GUCY1A2: variants seen among roughly 807,000 people sequenced by gnomAD.
The protein encoded by GUCY1A2 is guanylate cyclase soluble subunit alpha-2.
A neutral mutation model predicts 63.5 loss-of-function variants in GUCY1A2; 27 were observed. The observed-to-expected ratio is 0.43, with a 90% confidence interval of 0.31 to 0.59. GUCY1A2 has a LOEUF of 0.59. Among genes scored for constraint, GUCY1A2 ranks in the 20% least tolerant of loss-of-function variants. GUCY1A2 has a pLI of 0.11. For missense variants in GUCY1A2, 768 were observed against 913.3 expected (o/e 0.84, Z 2.05); for synonymous variants, 364 against 343.5 (o/e 1.06, Z -0.66).
At chr11:107,010,171 C>T (rs1360001926) in intron 1 of GUCY1A2, among the ~76,000 whole-genome samples, 2 of 152,166 alleles carry the variant, frequency 1.3e-5, no homozygotes, top group African/African-American at 4.8e-5. Flanking sequence ...TTCCCGCCTT[C>T]CAAGATATTT....
chr11:106,977,652 GA>G (rs958901000), intron 3 of GUCY1A2, among the ~76,000 whole-genome samples: 57 of 152,290 alleles, frequency 3.7e-4, no homozygotes, highest in African/African-American at 1.2e-3. Flanking sequence ...GGGTAACCTG[GA>G]AACTGTTTGT....
rs550288910 is a variant in GUCY1A2, at chr11:106,851,093, T to C, written c.1207-40615A>G. 3.3e-5 allele frequency among the ~76,000 whole-genome samples: 5 copies of C among 152,172 alleles called. No individual in the cohort carries two copies. The South Asian group carries it at 6.2e-4, about 19-fold the overall frequency. On this transcript the variant is annotated intron_variant, in intron 4 of 7. Coordinates refer to ENST00000526355, the MANE Select transcript of GUCY1A2 (RefSeq NM_000855.3). ...TTTGCATTTCCCTAACAATTAGTGA[T>C]GTTGAATGCTTTATTCATATATTTC...
At chr11:106,754,649 G>A (rs974830523) in intron 6 of GUCY1A2, among the ~76,000 whole-genome samples, 1 of 152,154 alleles carries the variant, frequency 6.6e-6, no homozygotes, top group East Asian at 1.9e-4. Context: ...TTTTTGTGAT[G>A]GATTACATTT....
chr11:106,987,652 C>CAA (rs59863037), intron 1 of GUCY1A2, among the ~76,000 whole-genome samples: 27,475 of 108,326 alleles, frequency 0.25, 3,176 homozygotes, highest in East Asian at 0.5. Context: ...GACTCTGCCT[C>CAA]AAAAAAAAAA....
chr11:106,901,091 C>T (rs1860126395), intron 4 of GUCY1A2, among the ~76,000 whole-genome samples: 1 of 152,184 alleles, frequency 6.6e-6, no homozygotes, highest in African/African-American at 2.4e-5. Flanking sequence ...GGAGTCAATC[C>T]TCTCAAACCC....
At chr11:106,834,837 C>A (rs373416194) in intron 4 of GUCY1A2, among the ~76,000 whole-genome samples, 14 of 152,008 alleles carry the variant, frequency 9.2e-5, no homozygotes, top group African/African-American at 3.4e-4. Context: ...ACCTTAGCAG[C>A]AAGGAAGATA....
chr11:106,821,571 AATATATAGCACCACC>A (rs1309186114), intron 4 of GUCY1A2, among the ~76,000 whole-genome samples: 1 of 152,186 alleles, frequency 6.6e-6, no homozygotes, highest in Non-Finnish European at 1.5e-5. Context: ...AGCTATAATA[AATATATAGCACCACC>A]ATTCAATGTT....
At chr11:106,796,058 C>G (rs181202806) in intron 5 of GUCY1A2, among the ~76,000 whole-genome samples, 17 of 151,914 alleles carry the variant, frequency 1.1e-4, no homozygotes, top group African/African-American at 4.1e-4. Flanking sequence ...TTTACCATTA[C>G]GTAATGGCCT....
chr11:106,793,576 G>A (rs1864701053), intron 5 of GUCY1A2, among the ~76,000 whole-genome samples: 1 of 151,996 alleles, frequency 6.6e-6, no homozygotes, highest in Non-Finnish European at 1.5e-5. Flanking sequence ...CCTACAGAAG[G>A]GGAGAAAATA....
intron 6 of GUCY1A2, among the ~76,000 whole-genome samples, chr11:106,719,289 A>C (rs1863272278): frequency 6.6e-6 from 1 of 152,258 alleles, no homozygotes; most frequent in Non-Finnish European, 1.5e-5. Context: ...GATAATCCGG[A>C]ATAAAATTTC....
At chr11:106,868,600 TAA>T (rs1359221057) in intron 4 of GUCY1A2, among the ~76,000 whole-genome samples, 3 of 151,894 alleles carry the variant, frequency 2.0e-5, no homozygotes, top group Admixed American at 6.6e-5. Flanking sequence ...CTCAACAAAA[TAA>T]AAGAGGACAC....
intron 4 of GUCY1A2, among the ~76,000 whole-genome samples, chr11:106,886,120 T>C (rs1161971106): frequency 6.6e-6 from 1 of 152,198 alleles, no homozygotes; most frequent in Admixed American, 6.5e-5. Context: ...GTGGGTACAC[T>C]GCCATCCAGA....
rs538531625 is a variant in GUCY1A2 at position 106,682,464 on chromosome 11, A to G, written c.*5085T>C. 3.8e-5 allele frequency: 8 copies of G among 209,250 alleles called. No homozygotes were observed. The East Asian group carries it at 5.0e-4, about 13-fold the overall frequency. The allele number at this position is 209,250 out of a possible 1,614,324, so 13.0% of individuals were successfully genotyped here. ...AAGACTAGTCTTCTGTATTCCTAAA[A>G]CTCCCTACGGAATTCTTATGAAGCC... On this transcript the variant is annotated 3_prime_UTR_variant, in exon 8 of 8. Coordinates refer to ENST00000526355, the MANE Select transcript of GUCY1A2 (RefSeq NM_000855.3).
intron 4 of GUCY1A2, among the ~76,000 whole-genome samples, chr11:106,813,980 A>C (rs1371005183): frequency 6.6e-6 from 1 of 152,114 alleles, no homozygotes; most frequent in African/African-American, 2.4e-5. Context: ...CAAGCTAATA[A>C]GCAGTAAGGT....
At chr11:106,996,499 G>A (rs566010609) in intron 1 of GUCY1A2, among the ~76,000 whole-genome samples, 1 of 152,250 alleles carries the variant, frequency 6.6e-6, no homozygotes, top group East Asian at 1.9e-4. Context: ...GACTCTAAAT[G>A]GATTAAAGCA....
At chr11:106,941,628 T>C (rs1860753694) in intron 3 of GUCY1A2, among the ~76,000 whole-genome samples, 1 of 152,266 alleles carries the variant, frequency 6.6e-6, no homozygotes, top group African/African-American at 2.4e-5. Flanking sequence ...CTAGGCTGTC[T>C]ACAGCTTAGC....
chr11:106,757,376 C>T (rs1484045547), intron 6 of GUCY1A2, among the ~76,000 whole-genome samples: 1 of 152,172 alleles, frequency 6.6e-6, no homozygotes, highest in African/African-American at 2.4e-5. Context: ...CATTCTCCAT[C>T]CAGTTTTGTT....
intron 1 of GUCY1A2, among the ~76,000 whole-genome samples, chr11:107,009,598 C>T (rs1223730978): frequency 3.3e-5 from 5 of 152,238 alleles, no homozygotes; most frequent in East Asian, 1.9e-4. Flanking sequence ...TCGGGAAAAA[C>T]GGGCAGAGTC....
At chr11:106,867,187 G>A (rs1859606080) in intron 4 of GUCY1A2, among the ~76,000 whole-genome samples, 1 of 151,936 alleles carries the variant, frequency 6.6e-6, no homozygotes, top group Non-Finnish European at 1.5e-5. Context: ...AAGATAGTTG[G>A]TTTTCTACAA....
Sources: gnomAD v4.1 joint callset for allele counts (sites outside exome capture counted in the v4.1 genomes callset) on GRCh38, gnomAD v4.1.1 for gene constraint, MANE v1.5 for transcripts, NCBI Gene and HGNC (gene_info 2026-07-23, HGNC 2026-07-21) for gene names.